The following VCAN variants were observed in gnomAD, a reference collection of about 807,000 sequenced individuals.
VCAN encodes the protein versican, also known as versican core protein.
A neutral mutation model predicts 245.5 loss-of-function variants in VCAN; 44 were observed. The observed-to-expected ratio is 0.18, with a 90% CI of 0.14 to 0.23. The LOEUF (loss-of-function observed/expected upper bound fraction) is 0.23. Ranked by LOEUF, VCAN falls within the 10% of genes least tolerant of loss-of-function variation. The probability of loss-of-function intolerance (pLI) is 1.00; values close to 1 mark genes in which losing one functional copy is unlikely to be tolerated. For missense variants in VCAN, 3,793 were observed against 4,057.9 expected, an observed-to-expected ratio of 0.93 and a Z score of 1.77; for synonymous variants, 1,413 against 1,437.0, an observed-to-expected ratio of 0.98 and a Z score of 0.38.
intron 3 of VCAN, 77 bp downstream of exon 3, chr5:83,490,549 A>G (rs1744949409): frequency 6.3e-7 from 1 of 1,594,798 alleles, no homozygotes; most frequent in Non-Finnish European, 8.5e-7. Flanking sequence ...AGCACTCAGA[A>G]GTAACTGTTG....
At chr5:83,546,757 A>T (rs1226855758) in intron 9 of VCAN, among the ~76,000 whole-genome samples, 2 of 152,080 alleles carry the variant, frequency 1.3e-5, no homozygotes, top group East Asian at 1.9e-4. Context: ...CACCATAAAC[A>T]TGTTTGGTAT....
chr5:83,570,628 C>G (rs1403467940), intron 12 of VCAN, among the ~76,000 whole-genome samples: 1 of 151,926 alleles, frequency 6.6e-6, no homozygotes, highest in African/African-American at 2.4e-5. Context: ...TAGGAGAATA[C>G]CTTTTAAGTT....
At position 83,520,540 on chromosome 5, in the gene VCAN, A is replaced by C. The variant is rs144502710; in HGVS notation, c.2234A>C (p.Lys745Thr). The C allele has an allele frequency of 2.2e-4, 355 of 1,614,036 alleles. 1 individual carries two copies. The highest frequency in any genetic ancestry group is 8.2e-4 in the Middle Eastern group (5 of 6,062). Residue 745 changes from lysine to threonine, a missense_variant, in exon 7 of 15, where the codon AAG becomes ACG. By Grantham distance (78) the Lys-to-Thr change is moderately conservative. Around this residue, in one of 5 missense-constraint regions of VCAN, gnomAD observed 3,182 missense variants for 3,250.3 expected, o/e 0.98. Transcript: ENST00000265077. ...ACAGAGTCTTCTGTGGAAATGACCA[A>C]GTCTTTTGATTTCCCAACATTGATA... Reference protein sequence around the residue: ...HVTESSVEMTKSFDFPTLITK... With the variant: ...HVTESSVEMTTSFDFPTLITK...
rs149879035 is a variant in VCAN, at chr5:83,548,760, G to A, written c.9493+676G>A. On this transcript the variant is annotated intron_variant, in intron 10 of 14. Transcript: ENST00000265077. ...TAAGCACACTCAGCTTTGGAATGTC[G>A]ATTTCCTCTACTTAAACTCGTACAG... Among the ~76,000 whole-genome samples the A allele has an allele frequency of 8.5e-3, 1,292 of 152,254 alleles. 11 individuals are homozygous for A. The highest frequency in any genetic ancestry group is 0.013 in the Non-Finnish European group (912 of 68,008).
intron 3 of VCAN, among the ~76,000 whole-genome samples, chr5:83,492,919 G>T (rs1384341950): frequency 6.6e-6 from 1 of 152,126 alleles, no homozygotes; most frequent in East Asian, 1.9e-4. Flanking sequence ...CACCTTATGG[G>T]ACAGGAAATT....
At chr5:83,561,396 A>C (rs1315868266) in intron 12 of VCAN, among the ~76,000 whole-genome samples, 1 of 152,226 alleles carries the variant, frequency 6.6e-6, no homozygotes, top group Non-Finnish European at 1.5e-5. Context: ...TGATAGGACA[A>C]TTAGTACAAT....
intron 1 of VCAN, among the ~76,000 whole-genome samples, chr5:83,475,570 G>T (rs1315964088): frequency 2.0e-5 from 3 of 152,166 alleles, no homozygotes; most frequent in Non-Finnish European, 4.4e-5. Flanking sequence ...AGATAGAAGC[G>T]GTTCCCAGTT....
At chr5:83,547,899 C>A in intron 9 of VCAN, 72 bp from the exon 10 acceptor site, 1 of 1,002,806 alleles carries the variant, frequency 1.0e-6, no homozygotes, top group Non-Finnish European at 1.6e-6. Flanking sequence ...TGTTATCTTG[C>A]AACCTCACAC....
rs189140467 is a variant in VCAN at position 83,480,201 on chromosome 5, C to G, written c.-6-3312C>G. ...TCTGATCTCCTCCTTGTATTCTTAC[C>G]TAGTCTTAGGGGTAATCTTAAGGAA... On this transcript the variant is annotated intron_variant, in intron 1 of 14. Coordinates refer to ENST00000265077, the MANE Select transcript of VCAN (RefSeq NM_004385.5). 2.0e-3 allele frequency among the ~76,000 whole-genome samples: 308 copies of G among 152,136 alleles called. 1 individual carries two copies. The highest frequency in any genetic ancestry group is 3.7e-3 in the Non-Finnish European group (252 of 67,996).
Position 83,520,125 on chromosome 5 carries a change from T to C in VCAN, c.1819T>C (p.Ser607Pro), listed in dbSNP as rs761532704. ...GTCAGTCTCAGCATCCACAACTGTTTCCCCTTTAATTATGCCTGATAATAA... is the reference window on the plus strand; with the variant it reads ...GTCAGTCTCAGCATCCACAACTGTTCCCCCTTTAATTATGCCTGATAATAA... ...LESVSASTTV[S>P]PLIMPDNNGS... is the part of the protein sequence containing the mutation. Residue 607 changes from serine to proline, a missense_variant, in exon 7 of 15, where the codon TCC (serine) becomes CCC (proline). Around this residue, in one of 5 missense-constraint regions of VCAN, gnomAD observed 3,182 missense variants for 3,250.3 expected, o/e 0.98. Coordinates refer to ENST00000265077, the MANE Select transcript of VCAN (RefSeq NM_004385.5). 6.2e-7 allele frequency: 1 copy of C among 1,614,032 alleles called. No homozygotes were observed. The highest frequency in any genetic ancestry group is 8.5e-7 in the Non-Finnish European group (1 of 1,179,972).
chr5:83,553,299 G>T, intron 10 of VCAN, 65 bp from the exon 11 acceptor site: 2 of 1,603,930 alleles, frequency 1.2e-6, no homozygotes, highest in Non-Finnish European at 1.7e-6. Context: ...ACTAACACTT[G>T]GTTGGGGGTG....
intron 7 of VCAN, among the ~76,000 whole-genome samples, chr5:83,533,395 C>T (rs1318467094): frequency 1.3e-5 from 2 of 151,968 alleles, no homozygotes; most frequent in African/African-American, 4.8e-5. Flanking sequence ...AACTTACTGG[C>T]AGGAACATTT....
chr5:83,472,235 T>C (rs1343721765), intron 1 of VCAN, among the ~76,000 whole-genome samples: 1 of 149,252 alleles, frequency 6.7e-6, no homozygotes, highest in East Asian at 2.0e-4. Context: ...GACCTTGGTG[T>C]TGAAAAAGAT....
intron 6 of VCAN, among the ~76,000 whole-genome samples, chr5:83,517,135 G>C (rs1161679430): frequency 1.3e-5 from 2 of 152,178 alleles, no homozygotes; most frequent in South Asian, 4.1e-4. Flanking sequence ...AGCAGGACTA[G>C]AGGAAGGAAT....
chr5:83,537,148 A>T lies in VCAN; in HGVS notation c.4145A>T (p.Asp1382Val). Residue 1382 changes from aspartate to valine, a missense_variant, in exon 8 of 15, where the codon GAC (aspartate) becomes GTC (valine). Physicochemically the swap from Asp to Val is radical, Grantham distance 152. This residue lies in a region of VCAN where 3,182 missense variants were observed against 3,250.3 expected (regional missense o/e 0.98). Coordinates refer to ENST00000265077, the MANE Select transcript of VCAN (RefSeq NM_004385.5). ...LPEFPDIIEI[D>V]LYHSEENEEE... The stretch of plus-strand genomic sequence containing the variant: ...GAATTCCCTGACATAATTGAAATAG[A>T]CCTATACCACAGTGAAGAAAATGAA... 1 of 1,613,890 alleles carries T rather than the reference A, an allele frequency of 6.2e-7. No homozygotes were observed. The highest frequency in any genetic ancestry group is 8.5e-7 in the Non-Finnish European group (1 of 1,179,912).
intron 13 of VCAN, among the ~76,000 whole-genome samples, chr5:83,577,343 C>A (rs1748522789): frequency 6.6e-6 from 1 of 152,152 alleles, no homozygotes; most frequent in Admixed American, 6.5e-5. Flanking sequence ...TGAAGTTTTA[C>A]TGATTGTTTT....
chr5:83,538,204 C>T lies in VCAN; in HGVS notation c.5201C>T (p.Thr1734Met), dbSNP rs200941140. 1.3e-4 allele frequency: 208 copies of T among 1,613,330 alleles called. No individual in the cohort carries two copies. The highest frequency in any genetic ancestry group is 1.7e-4 in the Non-Finnish European group (200 of 1,179,886). Reference protein sequence around the residue: ...KRKEEEGTTGTASTFEVYSST... With the variant: ...KRKEEEGTTGMASTFEVYSST... The stretch of plus-strand genomic sequence containing the variant: ...AAGGAGGAGGAGGGAACTACAGGTA[C>T]GGCTTCTACATTTGAGGTATATTCA... Residue 1734 changes from threonine (T) to methionine (M), a missense_variant, in exon 8 of 15, where the codon ACG becomes ATG. This residue lies in a region of VCAN where 3,182 missense variants were observed against 3,250.3 expected (regional missense o/e 0.98). Transcript: ENST00000265077.
chr5:83,553,613 T>C, intron 11 of VCAN, 91 bp downstream of exon 11: 3 of 1,540,102 alleles, frequency 1.9e-6, no homozygotes, highest in South Asian at 2.3e-5. Flanking sequence ...AAGTAGCTTT[T>C]TCAATCATAA....
rs1748702823 is a variant in VCAN, at chr5:83,582,281, C to A, written c.*1847C>A. 1 of 152,020 alleles carries A rather than the reference C, an allele frequency of 6.6e-6. No homozygotes were observed. The allele number at this position is 152,020 out of a possible 1,614,324, so 9.4% of individuals were successfully genotyped here. On this transcript the variant is annotated 3_prime_UTR_variant, in exon 15 of 15. Coordinates refer to ENST00000265077, the MANE Select transcript of VCAN (RefSeq NM_004385.5). Reference sequence around the variant, plus strand: ...TCTGCTTTTGTTTCACCAAAGAAACCTAAAATCCTTCTTTTACTACACTGT... The same window carrying A: ...TCTGCTTTTGTTTCACCAAAGAAACATAAAATCCTTCTTTTACTACACTGT...
Sources: gnomAD v4.1 joint callset for allele counts (sites outside exome capture counted in the v4.1 genomes callset) on GRCh38, gnomAD v4.1.1 for gene constraint, gnomAD v4.1.1 regional missense constraint, MANE v1.5 for transcripts, NCBI Gene and HGNC (gene_info 2026-07-23, HGNC 2026-07-21) for gene names.